The following ADCY8 variants were observed in gnomAD, a reference collection of about 807,000 sequenced individuals.
ADCY8 encodes the protein adenylate cyclase type 8.
In ADCY8, 51 loss-of-function variants were observed where a neutral mutation model predicts 119.7. The observed-to-expected ratio is 0.43, with a 90% CI of 0.34 to 0.54. The LOEUF is 0.54. ADCY8 is among the 20% of genes least tolerant of loss of function. ADCY8 has a pLI of 0.03. For synonymous variants in ADCY8, 665 were observed against 651.0 expected (o/e 1.02, Z -0.33); for missense variants, 1,383 against 1,598.8 (o/e 0.87, Z 2.30).
At chr8:130,967,129 T>G (rs2130696640) in intron 2 of ADCY8, among the ~76,000 whole-genome samples, 1 of 152,264 alleles carries the variant, frequency 6.6e-6, no homozygotes, top group Admixed American at 6.5e-5. Flanking sequence ...TATTAAAGGG[T>G]TTTTTATGGA....
At chr8:130,793,096 C>A (rs1028309025) in intron 15 of ADCY8, among the ~76,000 whole-genome samples, 5 of 152,132 alleles carry the variant, frequency 3.3e-5, no homozygotes, top group African/African-American at 1.2e-4. Flanking sequence ...GGTTCCATCA[C>A]CTGACTTGCT....
intron 9 of ADCY8, among the ~76,000 whole-genome samples, chr8:130,853,376 T>C (rs1460341577): frequency 6.6e-6 from 1 of 151,936 alleles, no homozygotes; most frequent in Non-Finnish European, 1.5e-5. Context: ...ACTGGTGGAG[T>C]GCGTTGGTTT....
intron 1 of ADCY8, among the ~76,000 whole-genome samples, chr8:131,013,856 C>G (rs1037930908): frequency 1.3e-5 from 2 of 152,200 alleles, no homozygotes; most frequent in Non-Finnish European, 2.9e-5. Context: ...TTTCCCAAGT[C>G]ACCTAAGTCT....
Position 131,040,286 on chromosome 8 carries a change from G to A in ADCY8, c.48C>T (p.Tyr16=). ...CGGCCGGGGGCGTCGGGTGGATGGT[G>A]TAGAGTTCCTCGCTGCCTGTAAGGC... is the stretch of plus-strand genomic sequence containing the variant. ...VRCLTGSEEL[Y]TIHPTPPAGD... is the part of the protein sequence containing the mutation. The change falls in exon 1 of 18, where the codon TAC becomes TAT. Residue 16 remains tyrosine, a synonymous_variant. Coordinates refer to ENST00000286355, the MANE Select transcript of ADCY8 (RefSeq NM_001115.3). The A allele has an allele frequency of 6.4e-7, 1 of 1,561,336 alleles. No homozygotes were observed. The highest frequency in any genetic ancestry group is 2.3e-5 in the East Asian group (1 of 42,648).
At chr8:130,903,465 T>A (rs1283707464) in intron 7 of ADCY8, among the ~76,000 whole-genome samples, 6,846 of 27,168 alleles carry the variant, frequency 0.25, 511 homozygotes, top group African/African-American at 0.4. Context: ...ACATGAGTGG[T>A]TTTTTTTTTT....
At chr8:130,891,533 TATC>T (rs1350242274) in intron 7 of ADCY8, among the ~76,000 whole-genome samples, 10 of 152,190 alleles carry the variant, frequency 6.6e-5, no homozygotes, top group African/African-American at 2.4e-4. Flanking sequence ...CTTAAATACT[TATC>T]ATTTATTCTT....
chr8:130,886,898 T>C (rs1221511454), intron 7 of ADCY8, among the ~76,000 whole-genome samples: 1 of 152,110 alleles, frequency 6.6e-6, no homozygotes, highest in Non-Finnish European at 1.5e-5. Context: ...AGTTTGGGGA[T>C]TGATTTCTTT....
At chr8:131,022,418 C>T (rs1823700359) in intron 1 of ADCY8, among the ~76,000 whole-genome samples, 1 of 152,110 alleles carries the variant, frequency 6.6e-6, no homozygotes, top group Non-Finnish European at 1.5e-5. Context: ...TGAAGGTTTC[C>T]AGCTTCATCC....
Position 130,937,147 on chromosome 8 carries a change from A to G in ADCY8, c.1407T>C (p.Ser469=). The G allele has an allele frequency of 5.0e-6, 8 of 1,613,926 alleles. No individual in the cohort carries two copies. The highest frequency in any genetic ancestry group is 1.7e-5 in the Admixed American group (1 of 59,978). Residue 469 remains serine, a synonymous_variant, in exon 5 of 18, where the codon TCT becomes TCC. Transcript: ENST00000286355. The part of the protein sequence containing the change: ...KILGDCYYCV[S]GLPEPRQDHA... ...GGTCCTGGCGGGGCTCAGGAAGTCCAGACACGCAGTAGTAGCAGTCCCCCA... is the reference window on the plus strand; with the variant it reads ...GGTCCTGGCGGGGCTCAGGAAGTCCGGACACGCAGTAGTAGCAGTCCCCCA...
chr8:130,824,658 A>G (rs1440172633), intron 12 of ADCY8, among the ~76,000 whole-genome samples: 3 of 152,220 alleles, frequency 2.0e-5, no homozygotes, highest in Non-Finnish European at 4.4e-5. Context: ...TTGACTCTAC[A>G]CGTGGATTAT....
At chr8:130,829,146 C>T (rs1019969966) in intron 12 of ADCY8, among the ~76,000 whole-genome samples, 7 of 152,294 alleles carry the variant, frequency 4.6e-5, no homozygotes, top group Non-Finnish European at 7.4e-5. Flanking sequence ...CCATGGGTGG[C>T]ACATTCAACA....
At chr8:130,920,886 T>C (rs1820280719) in intron 5 of ADCY8, among the ~76,000 whole-genome samples, 1 of 152,238 alleles carries the variant, frequency 6.6e-6, no homozygotes, top group Non-Finnish European at 1.5e-5. Context: ...AGCCTGCTTT[T>C]GGACTCAAGC....
chr8:131,025,568 A>G (rs1586666121), intron 1 of ADCY8, among the ~76,000 whole-genome samples: 1 of 152,228 alleles, frequency 6.6e-6, no homozygotes, highest in African/African-American at 2.4e-5. Flanking sequence ...CTGCTCTCAA[A>G]GAGCACGTTG....
intron 9 of ADCY8, among the ~76,000 whole-genome samples, chr8:130,860,672 G>C (rs757012373): frequency 6.6e-6 from 1 of 151,960 alleles, no homozygotes; most frequent in African/African-American, 2.4e-5. Flanking sequence ...TTTGCAGAAC[G>C]TGCAGGTTTG....
chr8:130,869,977 C>T (rs866070185), intron 8 of ADCY8, among the ~76,000 whole-genome samples: 9 of 125,274 alleles, frequency 7.2e-5, no homozygotes, highest in African/African-American at 2.6e-4. Flanking sequence ...TTCCTTCTTC[C>T]TCCTCCTCCT....
At chr8:130,880,069 A>T (rs2014815) in intron 8 of ADCY8, among the ~76,000 whole-genome samples, 56,775 of 152,060 alleles carry the variant, frequency 0.37, 11,157 homozygotes, top group East Asian at 0.64. Context: ...GCTGCCAGCC[A>T]CATAAGATGT....
intron 8 of ADCY8, among the ~76,000 whole-genome samples, chr8:130,869,182 C>T (rs908334758): frequency 6.6e-6 from 1 of 152,150 alleles, no homozygotes; most frequent in Non-Finnish European, 1.5e-5. Context: ...TTCTACTCTC[C>T]AGTATTGAGG....
At chr8:130,786,768 G>A (rs758958768) in intron 15 of ADCY8, among the ~76,000 whole-genome samples, 1 of 152,166 alleles carries the variant, frequency 6.6e-6, no homozygotes, top group Non-Finnish European at 1.5e-5. Flanking sequence ...GAAATATACA[G>A]GGTAGAGGGA....
At chr8:131,017,552 A>G (rs1272058287) in intron 1 of ADCY8, among the ~76,000 whole-genome samples, 2 of 152,198 alleles carry the variant, frequency 1.3e-5, no homozygotes, top group East Asian at 3.8e-4. Context: ...AAAAGCTAGG[A>G]AGCCAGAGAG....
Sources: allele counts gnomAD v4.1 joint callset (sites outside exome capture counted in the v4.1 genomes callset), GRCh38; gene constraint gnomAD v4.1.1; transcripts MANE v1.5; gene names NCBI Gene and HGNC (gene_info 2026-07-23, HGNC 2026-07-21).